The following ENAH variants were observed in gnomAD, a reference collection of about 807,000 sequenced individuals.
ENAH encodes the protein ENAH actin regulator, also known as protein enabled homolog.
ENAH carries 23 observed loss-of-function variants against 78.7 expected under a neutral mutation model. The ratio of observed to expected loss-of-function variants is 0.29; its 90% CI spans 0.21 to 0.41. The LOEUF is 0.41. ENAH is among the 10% of genes least tolerant of loss of function. ENAH has a pLI of 1.00. For synonymous variants in ENAH, 226 were observed against 241.0 expected (o/e 0.94, Z 0.58); for missense variants, 544 against 691.0 (o/e 0.79, Z 2.39).
intron 3 of ENAH, among the ~76,000 whole-genome samples, chr1:225,537,077 C>T (rs1327491590): frequency 6.6e-6 from 1 of 151,916 alleles, no homozygotes; most frequent in Non-Finnish European, 1.5e-5. Context: ...ATTAAAGAAA[C>T]ATGACTAGTC....
intron 1 of ENAH, among the ~76,000 whole-genome samples, chr1:225,612,378 A>T (rs540196840): frequency 6.7e-4 from 102 of 152,358 alleles, no homozygotes; most frequent in African/African-American, 2.4e-3. Context: ...AGAATAGGCA[A>T]ATCCATGGAG....
Position 225,524,707 on chromosome 1 carries a change from T to C in ENAH, c.435-5142A>G, listed in dbSNP as rs942246125. On this transcript the variant is annotated intron_variant, in intron 4 of 13. Coordinates refer to ENST00000366843, the MANE Select transcript of ENAH (RefSeq NM_018212.6). ...CCAACTGCTCAGTTCTGTGCCGCAA[T>C]TATTATTCCCCTTTTATAACTTTCA... 2.0e-5 allele frequency: 19 copies of C among 932,316 alleles called. No individual in the cohort carries two copies. In the East Asian group the frequency reaches 2.1e-3, roughly 103 times the overall value. The allele number at this position is 932,316 out of a possible 1,614,324, so 57.8% of individuals were successfully genotyped here.
intron 6 of ENAH, chr1:225,515,484 T>C (rs1475357331): frequency 1.3e-5 from 2 of 152,278 alleles, no homozygotes; most frequent in East Asian, 1.9e-4. Context: ...AGTAAAGGAA[T>C]TTACTAGTAC....
chr1:225,620,887 C>G (rs1175805268), intron 1 of ENAH, among the ~76,000 whole-genome samples: 2 of 151,850 alleles, frequency 1.3e-5, no homozygotes, highest in African/African-American at 2.4e-5. Flanking sequence ...CGCCTGTATT[C>G]CCAGCTACTC....
chr1:225,565,843 CAGGAAGACTA>C (rs1221038958), intron 2 of ENAH, among the ~76,000 whole-genome samples: 1 of 151,952 alleles, frequency 6.6e-6, no homozygotes, highest in African/African-American at 2.4e-5. Context: ...GAGGAAAACG[CAGGAAGACTA>C]AGGAGGGAAA....
At chr1:225,559,329 T>C (rs940241368) in intron 2 of ENAH, among the ~76,000 whole-genome samples, 5 of 152,212 alleles carry the variant, frequency 3.3e-5, no homozygotes, top group Non-Finnish European at 7.3e-5. Context: ...TGACACTTTC[T>C]TTAGGGCCAA....
chr1:225,554,335 T>A (rs866897837), intron 3 of ENAH, among the ~76,000 whole-genome samples: 10 of 152,302 alleles, frequency 6.6e-5, no homozygotes, highest in African/African-American at 1.7e-4. Context: ...GAGATTTTTT[T>A]AAAAAGTGAT....
chr1:225,579,191 C>T (rs186924164), intron 1 of ENAH, among the ~76,000 whole-genome samples: 50 of 152,282 alleles, frequency 3.3e-4, no homozygotes, highest in Non-Finnish European at 6.9e-4. Context: ...CAGGTCTGGA[C>T]TTGCAACCAC....
chr1:225,568,392 T>C (rs1215918014), intron 1 of ENAH, among the ~76,000 whole-genome samples: 1 of 152,102 alleles, frequency 6.6e-6, no homozygotes, highest in Non-Finnish European at 1.5e-5. Context: ...ATAAAGATAA[T>C]CTCAATTTCA....
chr1:225,610,008 A>C (rs1265885212), intron 1 of ENAH, among the ~76,000 whole-genome samples: 1 of 152,102 alleles, frequency 6.6e-6, no homozygotes, highest in Non-Finnish European at 1.5e-5. Context: ...TATATAAATT[A>C]TTAATATGTA....
At chr1:225,630,254 A>G (rs148942467) in intron 1 of ENAH, among the ~76,000 whole-genome samples, 110 of 151,054 alleles carry the variant, frequency 7.3e-4, no homozygotes, top group African/African-American at 2.7e-3. Flanking sequence ...TTTTAAATCA[A>G]TGCTCTTAAC....
intron 5 of ENAH, chr1:225,518,983 A>C (rs2096443989): frequency 1.4e-6 from 1 of 737,142 alleles, no homozygotes; most frequent in African/African-American, 1.8e-5. Flanking sequence ...AAAAATTTCC[A>C]AGAGCTTTCT....
At chr1:225,501,363 C>T (rs2096281375) in intron 11 of ENAH, 5 of 290,292 alleles carry the variant, frequency 1.7e-5, no homozygotes, top group East Asian at 1.2e-4. Context: ...AACCAGGTAA[C>T]GTGGCACGTT....
intron 5 of ENAH, among the ~76,000 whole-genome samples, chr1:225,518,608 T>C (rs1015360397): frequency 6.6e-6 from 1 of 152,214 alleles, no homozygotes; most frequent in African/African-American, 2.4e-5. Context: ...AATCCTATAA[T>C]GAATGTTAAT....
intron 7 of ENAH, 83 bp downstream of exon 7, chr1:225,514,513 A>G: frequency 9.0e-7 from 1 of 1,113,496 alleles, no homozygotes. Context: ...ACATTTCATA[A>G]AATTAGAATA....
At chr1:225,517,792 CGTGTCGCTGA>C in intron 5 of ENAH, 1 of 1,551,154 alleles carries the variant, frequency 6.4e-7, no homozygotes, top group Non-Finnish European at 8.7e-7. Context: ...TGTTGCAAAA[CGTGTCGCTGA>C]GTGTCGCAGT....
intron 3 of ENAH, among the ~76,000 whole-genome samples, chr1:225,544,309 A>G (rs2096602962): frequency 6.6e-6 from 1 of 152,214 alleles, no homozygotes; most frequent in Admixed American, 6.5e-5. Flanking sequence ...TCATGTAAGA[A>G]AGCATGCAAA....
intron 1 of ENAH, among the ~76,000 whole-genome samples, chr1:225,613,587 G>C (rs188648950): frequency 6.6e-6 from 1 of 151,698 alleles, no homozygotes; most frequent in Admixed American, 6.6e-5. Context: ...AACACTTATT[G>C]AACCAAAGAA....
rs1048167369 is a variant in ENAH at position 225,486,909 on chromosome 1, C to G, written c.*10866G>C. The G allele has an allele frequency of 2.0e-5, 3 of 152,632 alleles. No individual in the cohort carries two copies. The highest frequency in any genetic ancestry group is 4.4e-5 in the Non-Finnish European group (3 of 68,038). The allele number at this position is 152,632 out of a possible 1,614,324, so 9.5% of individuals were successfully genotyped here. Reference sequence around the variant, plus strand: ...AGAAGAATGAAGCAGTTAAAACCAGCAAAGCTGCAAAGTAGGAAAGAAAGC... The same window carrying G: ...AGAAGAATGAAGCAGTTAAAACCAGGAAAGCTGCAAAGTAGGAAAGAAAGC... On this transcript the variant is annotated 3_prime_UTR_variant, in exon 14 of 14. Coordinates refer to ENST00000366843, the MANE Select transcript of ENAH (RefSeq NM_018212.6).
Sources: gnomAD v4.1 joint callset for allele counts (sites outside exome capture counted in the v4.1 genomes callset) on GRCh38, gnomAD v4.1.1 for gene constraint, MANE v1.5 for transcripts, NCBI Gene and HGNC (gene_info 2026-07-23, HGNC 2026-07-21) for gene names.